The following NFXL1 variants were observed in gnomAD, a reference collection of about 807,000 sequenced individuals.
The protein encoded by NFXL1 is NF-X1-type zinc finger protein NFXL1.
NFXL1 carries 66 observed loss-of-function variants against 123.3 expected under a neutral mutation model. That is an observed-to-expected ratio of 0.54 (90% CI 0.44 to 0.66). The LOEUF (loss-of-function observed/expected upper bound fraction) is 0.66, where lower values mean the gene tolerates loss of function less well. NFXL1 is among the 30% of genes least tolerant of loss of function. The pLI is 0.00. For synonymous variants in NFXL1, 346 were observed against 360.8 expected, an observed-to-expected ratio of 0.96 and a Z score of 0.46; for missense variants, 944 against 1,125.6, an observed-to-expected ratio of 0.84 and a Z score of 2.31.
rs1245546251 is a variant in NFXL1 at position 47,847,869 on chromosome 4, A to C, written c.*294T>G. ...AGTGTTGGTTTGAATTATTAAATGA[A>C]AAAACTAAGTACAAGGAAGCCCAAT... On this transcript the variant is annotated 3_prime_UTR_variant, in exon 23 of 23. Transcript: ENST00000507489. The C allele has an allele frequency of 9.4e-6, 2 of 213,524 alleles. No homozygotes were observed. The highest frequency in any genetic ancestry group is 1.8e-5 in the Non-Finnish European group (2 of 108,902). The allele number at this position is 213,524 out of a possible 1,614,324, so 13.2% of individuals were successfully genotyped here.
intron 5 of NFXL1, 35 bp downstream of exon 5, chr4:47,903,155 AAAT>A (rs373019474): frequency 1.1e-4 from 164 of 1,469,454 alleles, no homozygotes; most frequent in Middle Eastern, 1.8e-4. Flanking sequence ...CTCCATCTGA[AAAT>A]AATAATAATA....
At chr4:47,889,899 C>CATATATGT (rs1736664777) in intron 12 of NFXL1, among the ~76,000 whole-genome samples, 1 of 152,054 alleles carries the variant, frequency 6.6e-6, no homozygotes, top group African/African-American at 2.4e-5. Context: ...AATACAGAAG[C>CATATATGT]ATATATGTGA....
chr4:47,909,006 G>A (rs1428626826), intron 3 of NFXL1, among the ~76,000 whole-genome samples: 11 of 149,002 alleles, frequency 7.4e-5, no homozygotes, highest in African/African-American at 2.7e-4. Context: ...CAGCAGTTAC[G>A]ATAGAAAATC....
At chr4:47,877,199 A>T (rs1243840774) in intron 17 of NFXL1, 1 of 457,846 alleles carries the variant, frequency 2.2e-6, no homozygotes, top group Non-Finnish European at 4.4e-6. Flanking sequence ...TATCTGCAAA[A>T]CAAAGAGTAT....
chr4:47,897,943 A>C, intron 9 of NFXL1, 24 bp downstream of exon 9: 1 of 1,401,950 alleles, frequency 7.1e-7, no homozygotes, highest in Admixed American at 2.0e-5. Context: ...TTCCTATATA[A>C]ATATAAAAAA....
At chr4:47,899,757 T>C (rs1737281095) in intron 5 of NFXL1, among the ~76,000 whole-genome samples, 1 of 152,212 alleles carries the variant, frequency 6.6e-6, no homozygotes, top group African/African-American at 2.4e-5. Flanking sequence ...GCTGAGATGA[T>C]GGAACAGTTT....
In NFXL1 at chr4:47,899,360, T is replaced by C; in HGVS notation, c.826+10A>G. On this transcript the variant is annotated intron_variant, in intron 6 of 22. Transcript: ENST00000507489. ...CCCACAAACAATTTAAAATGCAATATATAACTCACCTGGATGACAGAGGAG... is the reference window on the plus strand; with the variant it reads ...CCCACAAACAATTTAAAATGCAATACATAACTCACCTGGATGACAGAGGAG... 1 of 1,604,628 alleles carries C rather than the reference T, an allele frequency of 6.2e-7. No individual in the cohort carries two copies.
At chr4:47,898,890 AT>A in intron 7 of NFXL1, 33 bp from the exon 8 acceptor site, 1 of 1,608,616 alleles carries the variant, frequency 6.2e-7, no homozygotes, top group East Asian at 2.2e-5. Flanking sequence ...GCACAGAAAC[AT>A]AAAAGCAATA....
chr4:47,849,527 A>G (rs909400723), intron 22 of NFXL1, among the ~76,000 whole-genome samples: 1 of 152,216 alleles, frequency 6.6e-6, no homozygotes, highest in African/African-American at 2.4e-5. Flanking sequence ...CTTGAAAAAG[A>G]TCTAATAATA....
At position 47,904,404 on chromosome 4, in the gene NFXL1, GCA is replaced by G. The variant is rs564481022; in HGVS notation, c.516+831_516+832del. On this transcript the variant is annotated intron_variant, in intron 4 of 22. Transcript: ENST00000507489. ...AACAAAATTGAGAGGCGGAAAAAAC[GCA>G]CACACACAGCAAATGTTTAAAGTGG... Among the ~76,000 whole-genome samples the G allele has an allele frequency of 4.2e-4, 64 of 152,216 alleles. 1 individual carries two copies. In the South Asian group the frequency reaches 6.4e-3, roughly 15 times the overall value.
intron 15 of NFXL1, among the ~76,000 whole-genome samples, chr4:47,883,213 C>G (rs1002767519): frequency 3.6e-4 from 55 of 151,806 alleles, no homozygotes; most frequent in African/African-American, 1.3e-3. Context: ...CCACTGCACT[C>G]TAGCCTGGGT....
At chr4:47,871,187 A>G (rs1367493848) in intron 18 of NFXL1, among the ~76,000 whole-genome samples, 2 of 151,032 alleles carry the variant, frequency 1.3e-5, no homozygotes, top group Non-Finnish European at 1.5e-5. Flanking sequence ...TGTCTCTACT[A>G]AAAAAAATAC....
In NFXL1 at chr4:47,903,353, T is replaced by C. The variant is rs764428394; in HGVS notation, c.517-30A>G. ...GACAAATGTATCAGAAGTTAATATA[T>C]GTTAATTTTTCTTTGTTAATTGTAA... On this transcript the variant is annotated intron_variant, in intron 4 of 22. Coordinates refer to ENST00000507489, the MANE Select transcript of NFXL1 (RefSeq NM_001278624.2). 6 of 1,419,690 alleles carry C rather than the reference T, an allele frequency of 4.2e-6. No individual in the cohort carries two copies. The South Asian group carries it at 7.7e-5, about 18-fold the overall frequency. The allele number at this position is 1,419,690 out of a possible 1,614,324, so 87.9% of individuals were successfully genotyped here. A position where few individuals can be genotyped will look rare whatever the true frequency, so the allele number is the denominator to read the frequency against.
intron 8 of NFXL1, 58 bp downstream of exon 8, chr4:47,898,699 G>T: frequency 2.6e-6 from 3 of 1,142,806 alleles, no homozygotes; most frequent in Non-Finnish European, 2.7e-6. Context: ...TGCTTTCTAG[G>T]TTGTCTATGC....
At chr4:47,870,562 A>G (rs1394158441) in intron 18 of NFXL1, among the ~76,000 whole-genome samples, 9 of 152,272 alleles carry the variant, frequency 5.9e-5, no homozygotes, top group African/African-American at 2.2e-4. Flanking sequence ...GAAATCCATT[A>G]TGAGGCAAAA....
At position 47,847,873 on chromosome 4, in the gene NFXL1, A is replaced by G. The variant is rs971534245; in HGVS notation, c.*290T>C. ...TTGGTTTGAATTATTAAATGAAAAA[A>G]CTAAGTACAAGGAAGCCCAATGAAC... On this transcript the variant is annotated 3_prime_UTR_variant, in exon 23 of 23. Transcript: ENST00000507489. 4.6e-6 allele frequency: 1 copy of G among 219,258 alleles called. No homozygotes were observed. The highest frequency in any genetic ancestry group is 2.3e-5 in the African/African-American group (1 of 44,180). 13.6% of individuals were successfully genotyped at this position (219,258 alleles called of 1,614,324 possible). A position where few individuals can be genotyped will look rare whatever the true frequency, so the allele number is the denominator to read the frequency against.
intron 5 of NFXL1, among the ~76,000 whole-genome samples, chr4:47,902,181 C>CA (rs1184574093): frequency 6.7e-6 from 1 of 150,086 alleles, no homozygotes; most frequent in Non-Finnish European, 1.5e-5. Context: ...AACTCTGTCT[C>CA]AAAAAAAATT....
intron 17 of NFXL1, chr4:47,877,067 A>G (rs1010242604): frequency 1.7e-6 from 2 of 1,199,110 alleles, no homozygotes; most frequent in Non-Finnish European, 2.2e-6. Flanking sequence ...AAAATCTTCT[A>G]TTTAAATAAC....
intron 18 of NFXL1, among the ~76,000 whole-genome samples, chr4:47,868,580 A>G (rs1735246384): frequency 6.6e-6 from 1 of 152,056 alleles, no homozygotes; most frequent in Non-Finnish European, 1.5e-5. Flanking sequence ...ACAAAAAAAA[A>G]AAGTAATCAA....
Sources: allele counts gnomAD v4.1 joint callset (sites outside exome capture counted in the v4.1 genomes callset), GRCh38; gene constraint gnomAD v4.1.1; transcripts MANE v1.5; gene names NCBI Gene and HGNC (gene_info 2026-07-23, HGNC 2026-07-21).